Variants in RBM19 observed in about 807,000 individuals in gnomAD.
RBM19 encodes probable RNA-binding protein 19.
A neutral mutation model predicts 116.8 loss-of-function variants in RBM19; 94 were observed. The observed-to-expected ratio is 0.80, with a 90% CI of 0.68 to 0.95. The LOEUF is 0.95. Among genes scored for constraint, RBM19 ranks in the 40% least tolerant of loss-of-function variants. RBM19 has a pLI of 0.00. For missense variants in RBM19, 1,161 were observed against 1,220.7 expected (o/e 0.95, Z 0.73); for synonymous variants, 475 against 494.1 (o/e 0.96, Z 0.51).
chr12:113,939,550 C>T (rs367738945), intron 15 of RBM19, among the ~76,000 whole-genome samples: 47 of 143,018 alleles, frequency 3.3e-4, no homozygotes, highest in African/African-American at 1.3e-3. Flanking sequence ...GAGATCGAGA[C>T]CATCCTGGTG....
Position 113,927,107 on chromosome 12 carries a change from T to C in RBM19, c.2191A>G (p.Thr731Ala). 6.2e-7 allele frequency: 1 copy of C among 1,613,632 alleles called. No homozygotes were observed. Among genetic ancestry groups the C allele is most frequent in the Non-Finnish European group, 8.5e-7 (1 of 1,179,998 alleles). ...EEEEESLPGC[T>A]LFIKNLNFDT... ...AAATTGAGATTCTTAATAAACAGAGTACATCCTGGGAGGCTCTCTTCTTCT... is the reference window on the plus strand; with the variant it reads ...AAATTGAGATTCTTAATAAACAGAGCACATCCTGGGAGGCTCTCTTCTTCT... Residue 731 changes from threonine to alanine, a missense_variant, in exon 17 of 24, where the codon ACT becomes GCT. Transcript: ENST00000261741.
At chr12:113,832,970 G>C (rs28712165) in intron 23 of RBM19, among the ~76,000 whole-genome samples, 10 of 152,050 alleles carry the variant, frequency 6.6e-5, no homozygotes, top group African/African-American at 1.2e-4. Context: ...AAGTGGGGAG[G>C]GGGGGTTAAC....
At chr12:113,831,754 G>A (rs967605375) in intron 23 of RBM19, among the ~76,000 whole-genome samples, 2 of 152,230 alleles carry the variant, frequency 1.3e-5, no homozygotes, top group African/African-American at 4.8e-5. Context: ...CGGGGGAAGG[G>A]GAAGAGAGTG....
chr12:113,879,859 T>G (rs147874535), intron 21 of RBM19, among the ~76,000 whole-genome samples: 1 of 151,974 alleles, frequency 6.6e-6, no homozygotes, highest in Non-Finnish European at 1.5e-5. Flanking sequence ...AGATGCCCAA[T>G]GGAGGGCAGT....
chr12:113,874,427 T>C (rs1321423744), intron 21 of RBM19, among the ~76,000 whole-genome samples: 1 of 152,220 alleles, frequency 6.6e-6, no homozygotes, highest in Non-Finnish European at 1.5e-5. Flanking sequence ...CCAAATGCTC[T>C]ACACGCGCTG....
intron 22 of RBM19, among the ~76,000 whole-genome samples, chr12:113,848,227 T>C (rs1014129524): frequency 2.0e-5 from 3 of 152,202 alleles, no homozygotes; most frequent in African/African-American, 7.2e-5. Context: ...CACTTTTCAT[T>C]ATCAGGCTAA....
chr12:113,955,204 TTC>T lies in RBM19; in HGVS notation c.846_847del (p.Lys283ThrfsTer49), dbSNP rs765737522. 4 of 1,614,090 alleles carry T rather than the reference TTC, an allele frequency of 2.5e-6. No individual in the cohort carries two copies. The highest frequency in any genetic ancestry group is 2.2e-5 in the South Asian group (2 of 91,060). On this transcript the variant is annotated frameshift_variant, in exon 7 of 24. Transcript: ENST00000261741. LOFTEE classifies it high-confidence loss of function. Reference sequence around the variant, plus strand: ...GGTGGGTTCCTTCTGGTTTGCTGGTTTCTCTGTCTGAGTGATCACAAAAACAA... The same window carrying T: ...GGTGGGTTCCTTCTGGTTTGCTGGTTTCTGTCTGAGTGATCACAAAAACAA...
intron 16 of RBM19, among the ~76,000 whole-genome samples, chr12:113,933,932 C>G (rs911350308): frequency 9.2e-5 from 14 of 152,094 alleles, no homozygotes; most frequent in African/African-American, 1.4e-4. Flanking sequence ...TAAAGACTAT[C>G]CACTGTGCCA....
At chr12:113,939,130 C>A (rs779619075) in intron 15 of RBM19, among the ~76,000 whole-genome samples, 1 of 152,010 alleles carries the variant, frequency 6.6e-6, no homozygotes, top group South Asian at 2.1e-4. Context: ...AATAGGGAGA[C>A]CTTTGTCTCT....
chr12:113,838,822 C>T (rs548928006), intron 23 of RBM19, among the ~76,000 whole-genome samples: 50 of 152,316 alleles, frequency 3.3e-4, no homozygotes, highest in Non-Finnish European at 6.5e-4. Flanking sequence ...GGAAGCTGAG[C>T]CCAGGGGCAG....
intron 21 of RBM19, among the ~76,000 whole-genome samples, chr12:113,911,041 G>A (rs536091546): frequency 2.9e-4 from 31 of 108,008 alleles, no homozygotes; most frequent in African/African-American, 1.2e-3. Context: ...AGCAAACCCA[G>A]ATGGGGTGGC....
chr12:113,916,368 C>T (rs766689893), intron 20 of RBM19, among the ~76,000 whole-genome samples: 10 of 152,232 alleles, frequency 6.6e-5, no homozygotes, highest in African/African-American at 9.7e-5. Context: ...GATCACACCA[C>T]TGCAGTCCAG....
At chr12:113,950,351 C>G (rs1166628141) in intron 8 of RBM19, among the ~76,000 whole-genome samples, 197 bp from the exon 9 acceptor site, 1 of 152,164 alleles carries the variant, frequency 6.6e-6, no homozygotes, top group Non-Finnish European at 1.5e-5. Context: ...AGGGAGTGTA[C>G]AGACCCCAGC....
chr12:113,944,093 GTT>G (rs71433305), intron 13 of RBM19, among the ~76,000 whole-genome samples: 9,355 of 67,828 alleles, frequency 0.14, 618 homozygotes, highest in Admixed American at 0.24. Flanking sequence ...CCAGATGCAT[GTT>G]TTTTTTTTTT....
chr12:113,951,601 C>A (rs1871469892), intron 8 of RBM19, among the ~76,000 whole-genome samples: 1 of 150,802 alleles, frequency 6.6e-6, no homozygotes, highest in Admixed American at 6.6e-5. Flanking sequence ...GGTCATAGGG[C>A]TCCTACCTGA....
At chr12:113,918,331 C>T (rs1025759785) in intron 20 of RBM19, 61 bp downstream of exon 20, 25 of 1,564,758 alleles carry the variant, frequency 1.6e-5, no homozygotes, top group East Asian at 2.2e-5. Flanking sequence ...CCAGGGTGGC[C>T]GGCACCAAGC....
rs564694402 is a variant in RBM19, at chr12:113,924,786, G to C, written c.2245-29C>G. ...GATAAGAAAGTAACAAGTATCATCA[G>C]CAGCTCTAAACCACTATGCAGGCAA... On this transcript the variant is annotated intron_variant, in intron 17 of 23. Transcript: ENST00000261741. The C allele has an allele frequency of 1.6e-5, 24 of 1,521,332 alleles. No homozygotes were observed. The South Asian group carries it at 2.5e-4, about 16-fold the overall frequency. 94.2% of individuals were successfully genotyped at this position (1,521,332 alleles called of 1,614,324 possible).
chr12:113,879,085 C>T (rs565060466), intron 21 of RBM19, among the ~76,000 whole-genome samples: 17 of 152,254 alleles, frequency 1.1e-4, no homozygotes, highest in African/African-American at 2.4e-4. Flanking sequence ...TCCCCGTCCC[C>T]GCCAGCGTTC....
downstream of RBM19, among the ~76,000 whole-genome samples, chr12:113,819,935 G>A (rs989421085): frequency 6.6e-6 from 1 of 151,580 alleles, no homozygotes; most frequent in Non-Finnish European, 1.5e-5. Flanking sequence ...CCTAGTTCCC[G>A]TTTAAAACAG....
Sources: allele counts gnomAD v4.1 joint callset (sites outside exome capture counted in the v4.1 genomes callset), GRCh38; gene constraint gnomAD v4.1.1; transcripts MANE v1.5; gene names NCBI Gene and HGNC (gene_info 2026-07-23, HGNC 2026-07-21).